Variants in SUCLG2 observed in about 807,000 individuals in gnomAD.
The protein encoded by SUCLG2 is succinate-CoA ligase GDP-forming subunit beta.
Under a neutral mutation model 47.9 loss-of-function variants are expected in SUCLG2, and 42 were observed. The observed-to-expected ratio is 0.88, with a 90% CI of 0.69 to 1.14. SUCLG2 has a LOEUF of 1.14. Ranked by LOEUF, SUCLG2 falls within the 50% of genes most tolerant of loss-of-function variation. SUCLG2 has a pLI of 0.00. For missense variants in SUCLG2, 571 were observed against 525.9 expected, an observed-to-expected ratio of 1.09 and a Z score of -0.84; for synonymous variants, 195 against 197.3, an observed-to-expected ratio of 0.99 and a Z score of 0.10.
At chr3:67,625,246 G>A (rs370540476) in intron 1 of SUCLG2, among the ~76,000 whole-genome samples, 1 of 152,200 alleles carries the variant, frequency 6.6e-6, no homozygotes, top group Admixed American at 6.5e-5. Flanking sequence ...GAGTGGCATC[G>A]AAGGCTCGGT....
intron 9 of SUCLG2, among the ~76,000 whole-genome samples, chr3:67,465,979 A>C (rs1704459279): frequency 6.6e-6 from 1 of 152,106 alleles, no homozygotes; most frequent in Non-Finnish European, 1.5e-5. Context: ...CAGCTGTAAG[A>C]ATTCCCATTC....
At chr3:67,568,709 A>C (rs897606768) in intron 2 of SUCLG2, among the ~76,000 whole-genome samples, 5 of 152,124 alleles carry the variant, frequency 3.3e-5, no homozygotes, top group African/African-American at 1.2e-4. Flanking sequence ...AACACGGTGA[A>C]GCCCCATCTC....
At chr3:67,645,259 A>G (rs1422327498) in intron 1 of SUCLG2, among the ~76,000 whole-genome samples, 1 of 152,176 alleles carries the variant, frequency 6.6e-6, no homozygotes, top group Non-Finnish European at 1.5e-5. Flanking sequence ...TATACTGGTC[A>G]TAAAAGCCTC....
intron 10 of SUCLG2, among the ~76,000 whole-genome samples, chr3:67,394,961 C>G (rs138995802): frequency 2.6e-5 from 4 of 152,144 alleles, no homozygotes; most frequent in Non-Finnish European, 5.9e-5. Context: ...ACTTTACAGA[C>G]AAGCAAATGC....
intron 1 of SUCLG2, among the ~76,000 whole-genome samples, chr3:67,637,386 C>T (rs903164426): frequency 1.4e-4 from 21 of 152,126 alleles, no homozygotes; most frequent in African/African-American, 5.1e-4. Context: ...CACTTGCTTC[C>T]ACTTTATCAT....
intron 1 of SUCLG2, among the ~76,000 whole-genome samples, chr3:67,626,123 C>T (rs1260403658): frequency 6.6e-6 from 1 of 151,810 alleles, no homozygotes; most frequent in Non-Finnish European, 1.5e-5. Context: ...GGGTTCACGC[C>T]ATTCTCCTGC....
In SUCLG2 at chr3:67,598,132, C is replaced by T. The variant is rs188957937; in HGVS notation, c.226+11323G>A. Among the ~76,000 whole-genome samples, 23 of 152,058 alleles carry T rather than the reference C, an allele frequency of 1.5e-4. No homozygotes were observed. In the East Asian group the frequency reaches 4.4e-3, roughly 29 times the overall value. On this transcript the variant is annotated intron_variant, in intron 2 of 10. Transcript: ENST00000307227. ...AGTAGCTGGGACTACAGGCGCATGC[C>T]GCCATGCCCAGCTAATTTTTTTGTA...
At chr3:67,590,644 C>T (rs1708135528) in intron 2 of SUCLG2, among the ~76,000 whole-genome samples, 1 of 152,178 alleles carries the variant, frequency 6.6e-6, no homozygotes, top group Non-Finnish European at 1.5e-5. Flanking sequence ...CGAGGCCTTC[C>T]CAGAAGCCGA....
At chr3:67,566,254 G>C (rs1227035645) in intron 2 of SUCLG2, among the ~76,000 whole-genome samples, 1 of 152,104 alleles carries the variant, frequency 6.6e-6, no homozygotes, top group Non-Finnish European at 1.5e-5. Flanking sequence ...ATTTGCAGTG[G>C]TAAAATCATC....
At chr3:67,478,556 A>G (rs1315673886) in intron 9 of SUCLG2, among the ~76,000 whole-genome samples, 1 of 152,268 alleles carries the variant, frequency 6.6e-6, no homozygotes, top group African/African-American at 2.4e-5. Flanking sequence ...CAATTCCTTG[A>G]TCCCTGGTTG....
chr3:67,555,215 G>A (rs1026853168), intron 2 of SUCLG2, among the ~76,000 whole-genome samples: 1 of 152,118 alleles, frequency 6.6e-6, no homozygotes, highest in African/African-American at 2.4e-5. Flanking sequence ...CTGAGATTTA[G>A]GAATGAAATT....
Position 67,491,064 on chromosome 3 carries a change from G to A in SUCLG2, c.1062+4734C>T, listed in dbSNP as rs1350549277. Among the ~76,000 whole-genome samples the A allele has an allele frequency of 3.3e-5, 5 of 152,200 alleles. No individual in the cohort carries two copies. The East Asian group carries it at 7.7e-4, about 24-fold the overall frequency. On this transcript the variant is annotated intron_variant, in intron 9 of 10. Coordinates refer to ENST00000307227, the MANE Select transcript of SUCLG2 (RefSeq NM_003848.4). ...GGGCCGAACACAGTGGCTACTGCCT[G>A]TAACCCAAGCACTTTGGGAGGCCCA...
chr3:67,625,511 G>T (rs568810158), intron 1 of SUCLG2, among the ~76,000 whole-genome samples: 1 of 152,296 alleles, frequency 6.6e-6, no homozygotes, highest in South Asian at 2.1e-4. Flanking sequence ...CAATGCAGGA[G>T]AAAGATCTAA....
chr3:67,648,037 A>G (rs994506262), intron 1 of SUCLG2, among the ~76,000 whole-genome samples: 1 of 152,262 alleles, frequency 6.6e-6, no homozygotes, highest in Non-Finnish European at 1.5e-5. Flanking sequence ...TCAGTGCAAG[A>G]GAAATAATCA....
chr3:67,413,284 C>A (rs546264095), intron 9 of SUCLG2, among the ~76,000 whole-genome samples: 1 of 152,244 alleles, frequency 6.6e-6, no homozygotes, highest in African/African-American at 2.4e-5. Context: ...GTTTATTAGC[C>A]ACAAACAAAA....
chr3:67,543,272 C>G (rs1405931688), intron 2 of SUCLG2, among the ~76,000 whole-genome samples: 1 of 152,186 alleles, frequency 6.6e-6, no homozygotes, highest in Non-Finnish European at 1.5e-5. Context: ...CATGCACAAA[C>G]TAAGCTTTAA....
chr3:67,398,776 G>A (rs1325178131), intron 10 of SUCLG2, among the ~76,000 whole-genome samples: 2 of 152,172 alleles, frequency 1.3e-5, no homozygotes, highest in Admixed American at 6.5e-5. Context: ...CAACCCAAAT[G>A]TCCAACGATG....
chr3:67,453,839 C>T (rs745924389), intron 9 of SUCLG2, among the ~76,000 whole-genome samples: 15 of 152,112 alleles, frequency 9.9e-5, no homozygotes, highest in Non-Finnish European at 2.1e-4. Flanking sequence ...CAAATGTGAC[C>T]ATCCAGTTGA....
chr3:67,378,234 C>T (rs957734328), intron 10 of SUCLG2, among the ~76,000 whole-genome samples: 19 of 152,198 alleles, frequency 1.2e-4, no homozygotes, highest in Non-Finnish European at 2.6e-4. Flanking sequence ...TTTGTAGAAT[C>T]CGTCCCCCTT....
Sources: allele counts gnomAD v4.1 joint callset (sites outside exome capture counted in the v4.1 genomes callset), GRCh38; gene constraint gnomAD v4.1.1; transcripts MANE v1.5; gene names NCBI Gene and HGNC (gene_info 2026-07-23, HGNC 2026-07-21).